FOCAD: variants seen among roughly 807,000 people sequenced by gnomAD.
FOCAD encodes the protein focadhesin, also known as KIAA1797.
Under a neutral mutation model 225.6 loss-of-function variants are expected in FOCAD, and 198 were observed. That is an observed-to-expected ratio of 0.88 (90% CI 0.78 to 0.99). The LOEUF (loss-of-function observed/expected upper bound fraction) is 0.99, where lower values mean the gene tolerates loss of function less well. FOCAD is among the 50% of genes least tolerant of loss of function. The pLI, the probability that FOCAD is intolerant of heterozygous loss-of-function variation, is 0.00. For synonymous variants in FOCAD, 897 were observed against 755.0 expected (o/e 1.19, Z -3.08); for missense variants, 2,713 against 2,123.6 (o/e 1.28, Z -5.46).
chr9:20,854,740 A>G (rs1214813491), intron 15 of FOCAD, among the ~76,000 whole-genome samples: 1 of 151,774 alleles, frequency 6.6e-6, no homozygotes, highest in East Asian at 1.9e-4. Context: ...TAGACAGACT[A>G]AGCAGAACAT....
intron 15 of FOCAD, among the ~76,000 whole-genome samples, chr9:20,831,733 C>T (rs1345385588): frequency 1.3e-5 from 2 of 151,922 alleles, no homozygotes; most frequent in Non-Finnish European, 1.5e-5. Flanking sequence ...ATACAATTCA[C>T]CTATCTATAG....
At chr9:20,887,057 A>AT (rs756964589) in intron 21 of FOCAD, among the ~76,000 whole-genome samples, 41 of 151,978 alleles carry the variant, frequency 2.7e-4, no homozygotes, top group Non-Finnish European at 4.4e-4. Context: ...ATACATTTGG[A>AT]TTTTTCCAAG....
At chr9:20,830,330 T>A (rs1048501752) in intron 15 of FOCAD, among the ~76,000 whole-genome samples, 12 of 152,102 alleles carry the variant, frequency 7.9e-5, no homozygotes, top group African/African-American at 2.9e-4. Flanking sequence ...ATTTTTAGTG[T>A]TTTACTGATT....
intron 4 of FOCAD, 48 bp downstream of exon 4, chr9:20,720,582 A>T (rs1313789808): frequency 6.3e-7 from 1 of 1,580,236 alleles, no homozygotes; most frequent in Admixed American, 1.8e-5. Context: ...AGTTTTTAGG[A>T]AAAAAATTCA....
chr9:20,871,401 G>A (rs1359175162), intron 18 of FOCAD, among the ~76,000 whole-genome samples: 2 of 151,346 alleles, frequency 1.3e-5, no homozygotes, highest in Non-Finnish European at 2.9e-5. Flanking sequence ...GAGTGTTTTA[G>A]CAGCTAATAT....
intron 11 of FOCAD, among the ~76,000 whole-genome samples, chr9:20,812,207 G>C (rs923786308): frequency 3.3e-5 from 5 of 151,764 alleles, no homozygotes; most frequent in Non-Finnish European, 7.4e-5. Flanking sequence ...ACTTTCATTG[G>C]CTGATCATAT....
chr9:20,655,830 G>C (rs1821468224), upstream of FOCAD, among the ~76,000 whole-genome samples: 2 of 151,910 alleles, frequency 1.3e-5, no homozygotes, highest in South Asian at 4.2e-4. Context: ...TTTTGAATGT[G>C]TTTGCTCTTG....
intron 19 of FOCAD, chr9:20,875,579 C>T (rs1830162510): frequency 1.4e-5 from 2 of 143,012 alleles, no homozygotes; most frequent in Non-Finnish European, 3.0e-5. Flanking sequence ...AGGTGACAGC[C>T]TAGGTGACAG....
intron 2 of FOCAD, among the ~76,000 whole-genome samples, chr9:20,659,915 G>A (rs1821661130): frequency 6.6e-6 from 1 of 152,198 alleles, no homozygotes; most frequent in South Asian, 2.1e-4. Flanking sequence ...TAGCTCAGAG[G>A]TAAAAATTAA....
chr9:20,986,602 G>T, intron 40 of FOCAD, 137 bp downstream of exon 40: 2 of 621,366 alleles, frequency 3.2e-6, no homozygotes, highest in African/African-American at 1.9e-5. Context: ...TGCCAAATGA[G>T]GAGTAACTTG....
chr9:20,846,099 G>T (rs1287583235), intron 15 of FOCAD, among the ~76,000 whole-genome samples: 1 of 152,084 alleles, frequency 6.6e-6, no homozygotes, highest in Non-Finnish European at 1.5e-5. Flanking sequence ...ATTTCTCAGG[G>T]ATTCCAGGCT....
intron 21 of FOCAD, among the ~76,000 whole-genome samples, chr9:20,905,833 C>G (rs1169264810): frequency 6.6e-6 from 1 of 151,918 alleles, no homozygotes; most frequent in Non-Finnish European, 1.5e-5. Context: ...CAAGGCTGCC[C>G]TCACCCTGCT....
At chr9:20,668,177 A>G (rs1821950797) in intron 2 of FOCAD, among the ~76,000 whole-genome samples, 1 of 152,210 alleles carries the variant, frequency 6.6e-6, no homozygotes, top group Admixed American at 6.5e-5. Context: ...TTGTAATGAC[A>G]AATTTCCCTT....
intron 6 of FOCAD, 97 bp from the exon 7 acceptor site, chr9:20,764,772 T>G: frequency 1.1e-6 from 1 of 902,802 alleles, no homozygotes; most frequent in Non-Finnish European, 1.7e-6. Flanking sequence ...ATATGGTAGA[T>G]TATGTTATGT....
At chr9:20,847,178 C>T (rs1451665300) in intron 15 of FOCAD, among the ~76,000 whole-genome samples, 1 of 152,066 alleles carries the variant, frequency 6.6e-6, no homozygotes, top group Non-Finnish European at 1.5e-5. Context: ...ACATTTTCAT[C>T]ATCCCCAAAA....
At chr9:20,995,133 T>A (rs1208284239) in intron 43 of FOCAD, among the ~76,000 whole-genome samples, 2 of 152,084 alleles carry the variant, frequency 1.3e-5, no homozygotes, top group Non-Finnish European at 2.9e-5. Flanking sequence ...AACCTAACTT[T>A]ATTATAGGTT....
intron 3 of FOCAD, 39 bp from the exon 4 acceptor site, chr9:20,720,341 C>T: frequency 6.2e-7 from 1 of 1,603,248 alleles, no homozygotes; most frequent in Non-Finnish European, 8.5e-7. Context: ...GTGTTTGCTG[C>T]TCATCAGAAT....
chr9:20,738,149 C>G (rs1827300117), intron 4 of FOCAD, among the ~76,000 whole-genome samples: 1 of 152,160 alleles, frequency 6.6e-6, no homozygotes, highest in Admixed American at 6.6e-5. Context: ...TTCCTAAGCT[C>G]TGGCATAAGA....
intron 26 of FOCAD, chr9:20,928,991 G>A (rs969221232): frequency 6.6e-6 from 1 of 151,134 alleles, no homozygotes; most frequent in Admixed American, 6.7e-5. Context: ...GATAGCTTCA[G>A]TTTTTTTTTT....
Sources: gnomAD v4.1 joint callset for allele counts (sites outside exome capture counted in the v4.1 genomes callset) on GRCh38, gnomAD v4.1.1 for gene constraint, MANE v1.5 for transcripts, NCBI Gene and HGNC (gene_info 2026-07-23, HGNC 2026-07-21) for gene names.